The following SLC22A3 variants were observed in gnomAD, a reference collection of about 807,000 sequenced individuals.
SLC22A3 encodes EMT organic cation transporter 3.
SLC22A3 carries 51 observed loss-of-function variants against 59.1 expected under a neutral mutation model. The observed-to-expected ratio is 0.86, with a 90% CI of 0.69 to 1.09. SLC22A3 has a LOEUF of 1.09. Ranked by LOEUF, SLC22A3 falls within the 50% of genes least tolerant of loss-of-function variation. The pLI, the probability that SLC22A3 is intolerant of heterozygous loss-of-function variation, is 0.00. For missense variants in SLC22A3, 711 were observed against 726.3 expected (o/e 0.98, Z 0.24); for synonymous variants, 325 against 292.0 (o/e 1.11, Z -1.15).
intron 7 of SLC22A3, among the ~76,000 whole-genome samples, chr6:160,441,256 C>A (rs1225105231): frequency 6.6e-6 from 1 of 152,088 alleles, no homozygotes. Context: ...GTACCACATG[C>A]TCATTGAAAG....
rs571276725 is a variant in SLC22A3, at chr6:160,452,287, G to A, written c.*1231G>A. 2.6e-5 allele frequency: 4 copies of A among 152,332 alleles called. No individual in the cohort carries two copies. The highest frequency in any genetic ancestry group is 4.1e-4 in the South Asian group (2 of 4,832). 9.4% of individuals were successfully genotyped at this position (152,332 alleles called of 1,614,324 possible). ...ACCAAAGGGAAACATTAACCATGAGGAAGAGCATTTTTCTAAGGAGAACAG... is the reference window on the plus strand; with the variant it reads ...ACCAAAGGGAAACATTAACCATGAGAAAGAGCATTTTTCTAAGGAGAACAG... On this transcript the variant is annotated 3_prime_UTR_variant, in exon 11 of 11. Coordinates refer to ENST00000275300, the MANE Select transcript of SLC22A3 (RefSeq NM_021977.4).
intron 1 of SLC22A3, among the ~76,000 whole-genome samples, chr6:160,389,011 C>A (rs758401912): frequency 2.0e-5 from 3 of 152,120 alleles, no homozygotes; most frequent in Non-Finnish European, 4.4e-5. Flanking sequence ...CTGTCAGTTA[C>A]CCCCAAACCA....
intron 5 of SLC22A3, among the ~76,000 whole-genome samples, chr6:160,414,627 G>T: frequency 6.6e-6 from 1 of 152,224 alleles, no homozygotes; most frequent in Non-Finnish European, 1.5e-5. Context: ...AATCATGGCA[G>T]AAAGGGAAGC....
chr6:160,399,832 C>G (rs368640526), intron 2 of SLC22A3, among the ~76,000 whole-genome samples: 9 of 152,116 alleles, frequency 5.9e-5, no homozygotes, highest in East Asian at 5.8e-4. Context: ...AATAATTCTT[C>G]TCAGATCCAT....
intron 9 of SLC22A3, among the ~76,000 whole-genome samples, chr6:160,445,681 T>A (rs1012731005): frequency 4.6e-5 from 7 of 151,992 alleles, no homozygotes; most frequent in African/African-American, 1.4e-4. Context: ...ACAGATTGAG[T>A]AAACATCTTA....
chr6:160,406,168 T>C (rs1249682445), intron 2 of SLC22A3, among the ~76,000 whole-genome samples: 2 of 152,112 alleles, frequency 1.3e-5, no homozygotes, highest in Non-Finnish European at 2.9e-5. Flanking sequence ...GCTGTGCATG[T>C]GTAGGGGCAG....
intron 10 of SLC22A3, among the ~76,000 whole-genome samples, chr6:160,448,037 G>A (rs1788813707): frequency 6.6e-6 from 1 of 152,144 alleles, no homozygotes; most frequent in African/African-American, 2.4e-5. Flanking sequence ...TAATGTGGTT[G>A]TGAAGAGAGA....
chr6:160,429,261 T>G (rs187213044), intron 5 of SLC22A3, among the ~76,000 whole-genome samples: 2 of 152,228 alleles, frequency 1.3e-5, no homozygotes, highest in East Asian at 3.8e-4. Context: ...CTAGTGATGA[T>G]GCATTCACTG....
At chr6:160,426,909 T>C (rs1440815337) in intron 5 of SLC22A3, among the ~76,000 whole-genome samples, 2 of 152,210 alleles carry the variant, frequency 1.3e-5, no homozygotes, top group Non-Finnish European at 2.9e-5. Context: ...ACCGCACTAG[T>C]GGGACTTGTG....
intron 1 of SLC22A3, among the ~76,000 whole-genome samples, chr6:160,375,680 T>G (rs1785563548): frequency 6.6e-6 from 1 of 152,254 alleles, no homozygotes; most frequent in African/African-American, 2.4e-5. Flanking sequence ...GTGACAAGTT[T>G]TTTTAAATTC....
chr6:160,442,723 C>A (rs768635320), intron 7 of SLC22A3, 38 bp from the exon 8 acceptor site: 23 of 1,432,738 alleles, frequency 1.6e-5, no homozygotes, highest in Non-Finnish European at 2.2e-5. Context: ...TGAAATCAGA[C>A]CCCTAACTCC....
At chr6:160,446,931 C>T (rs1474729627) in intron 9 of SLC22A3, among the ~76,000 whole-genome samples, 1 of 152,174 alleles carries the variant, frequency 6.6e-6, no homozygotes, top group African/African-American at 2.4e-5. Context: ...GATGTTGTGT[C>T]AGTAGCCTGA....
intron 1 of SLC22A3, among the ~76,000 whole-genome samples, chr6:160,360,420 T>G (rs1027442503): frequency 5.9e-5 from 9 of 152,258 alleles, no homozygotes; most frequent in African/African-American, 2.2e-4. Context: ...ATCACGCCAT[T>G]GCACTTCAGC....
At position 160,451,963 on chromosome 6, in the gene SLC22A3, A is replaced by C. The variant is rs1788983930; in HGVS notation, c.*907A>C. 1 of 152,200 alleles carries C rather than the reference A, an allele frequency of 6.6e-6. No homozygotes were observed. The highest frequency in any genetic ancestry group is 1.5e-5 in the Non-Finnish European group (1 of 68,034). The allele number at this position is 152,200 out of a possible 1,614,324, so 9.4% of individuals were successfully genotyped here. A position where few individuals can be genotyped will look rare whatever the true frequency, so the allele number is the denominator to read the frequency against. On this transcript the variant is annotated 3_prime_UTR_variant, in exon 11 of 11. Coordinates refer to ENST00000275300, the MANE Select transcript of SLC22A3 (RefSeq NM_021977.4). ...ATGGTGCCCGTGGTCAAAAGCGAAAAACATGGACAATTCCTATTCATTCTT... is the reference window on the plus strand; with the variant it reads ...ATGGTGCCCGTGGTCAAAAGCGAAACACATGGACAATTCCTATTCATTCTT...
chr6:160,350,356 T>C (rs1421303722), intron 1 of SLC22A3, among the ~76,000 whole-genome samples: 1 of 152,218 alleles, frequency 6.6e-6, no homozygotes, highest in Non-Finnish European at 1.5e-5. Context: ...AGCCAGGCAA[T>C]ACATATGTGT....
At chr6:160,416,693 G>A (rs1787509383) in intron 5 of SLC22A3, among the ~76,000 whole-genome samples, 1 of 152,164 alleles carries the variant, frequency 6.6e-6, no homozygotes, top group Non-Finnish European at 1.5e-5. Context: ...TTTGGTATTA[G>A]TTAGACATTA....
At chr6:160,399,946 G>A (rs3105749) in intron 2 of SLC22A3, among the ~76,000 whole-genome samples, 70,567 of 151,794 alleles carry the variant, frequency 0.46, 16,701 homozygotes, top group East Asian at 0.56. Context: ...CATAACACAG[G>A]CGCAGAAACC....
chr6:160,384,337 G>A (rs1180514073), intron 1 of SLC22A3, among the ~76,000 whole-genome samples: 1 of 152,086 alleles, frequency 6.6e-6, no homozygotes, highest in African/African-American at 2.4e-5. Flanking sequence ...ACATAAATTC[G>A]GGGTGTTTTA....
chr6:160,394,720 TTTGGAAGAGC>T (rs1188304857), intron 1 of SLC22A3, among the ~76,000 whole-genome samples: 3 of 152,216 alleles, frequency 2.0e-5, no homozygotes. Context: ...TTTGAGCTGT[TTTGGAAGAGC>T]TGAAGAAGAA....
Sources: allele counts gnomAD v4.1 joint callset (sites outside exome capture counted in the v4.1 genomes callset), GRCh38; gene constraint gnomAD v4.1.1; transcripts MANE v1.5; gene names NCBI Gene and HGNC (gene_info 2026-07-23, HGNC 2026-07-21).